Variants in KIAA0825 observed in about 807,000 individuals in gnomAD.
KIAA0825 encodes uncharacterized protein KIAA0825.
In KIAA0825, 119 loss-of-function variants were observed where a neutral mutation model predicts 147.6. The observed-to-expected ratio is 0.81, with a 90% CI of 0.69 to 0.94. The LOEUF (loss-of-function observed/expected upper bound fraction) is 0.94, where lower values mean the gene tolerates loss of function less well. KIAA0825 is among the 40% of genes least tolerant of loss of function. The probability of loss-of-function intolerance (pLI) is 0.00; values close to 1 mark genes in which losing one functional copy is unlikely to be tolerated. For synonymous variants in KIAA0825, 470 were observed against 518.1 expected (o/e 0.91, Z 1.26); for missense variants, 1,381 against 1,472.7 (o/e 0.94, Z 1.02).
intron 2 of KIAA0825, among the ~76,000 whole-genome samples, chr5:94,572,526 T>C (rs964359652): frequency 1.4e-4 from 22 of 152,222 alleles, no homozygotes; most frequent in Admixed American, 4.6e-4. Flanking sequence ...TATTCTGGTT[T>C]ATTTATATAT....
intron 2 of KIAA0825, among the ~76,000 whole-genome samples, chr5:94,543,485 G>C (rs915145902): frequency 6.6e-6 from 1 of 151,948 alleles, no homozygotes; most frequent in Non-Finnish European, 1.5e-5. Flanking sequence ...AAATAAAAAA[G>C]GCTTGAGATT....
chr5:94,333,431 G>A (rs1310554253), intron 20 of KIAA0825, among the ~76,000 whole-genome samples: 4 of 147,878 alleles, frequency 2.7e-5, no homozygotes, highest in South Asian at 2.1e-4. Context: ...GTTCAGTATC[G>A]GTTTTTTTGC....
chr5:94,490,361 T>C (rs1040068871), intron 5 of KIAA0825, among the ~76,000 whole-genome samples: 1 of 152,142 alleles, frequency 6.6e-6, no homozygotes, highest in African/African-American at 2.4e-5. Context: ...AAACAATAAA[T>C]AATTACAGAT....
At chr5:94,420,391 A>C (rs957282975) in intron 14 of KIAA0825, among the ~76,000 whole-genome samples, 1 of 152,148 alleles carries the variant, frequency 6.6e-6, no homozygotes, top group Non-Finnish European at 1.5e-5. Context: ...TGCTGTCTGA[A>C]TTACACTACA....
intron 1 of KIAA0825, chr5:94,593,024 T>C (rs1784626330): frequency 7.7e-6 from 5 of 651,026 alleles, no homozygotes; most frequent in Non-Finnish European, 1.5e-5. Context: ...ATCAGTCTAT[T>C]AAAAAATGTT....
chr5:94,507,649 T>A (rs945197446), intron 5 of KIAA0825, among the ~76,000 whole-genome samples: 1 of 152,026 alleles, frequency 6.6e-6, no homozygotes, highest in African/African-American at 2.4e-5. Context: ...TATTTGTGGT[T>A]TATGGTAATC....
At chr5:94,463,076 T>C (rs1760034511) in intron 11 of KIAA0825, among the ~76,000 whole-genome samples, 1 of 151,880 alleles carries the variant, frequency 6.6e-6, no homozygotes, top group Non-Finnish European at 1.5e-5. Flanking sequence ...GAAGCTCAAA[T>C]CGAGAAGCCT....
rs1236027843 is a variant in KIAA0825 at position 94,443,311 on chromosome 5, AC to A, written c.2358-3191del. Among the ~76,000 whole-genome samples, 10 of 151,436 alleles carry A rather than the reference AC, an allele frequency of 6.6e-5. No individual in the cohort carries two copies. In the South Asian group the frequency reaches 1.3e-3, roughly 19 times the overall value. On this transcript the variant is annotated intron_variant, in intron 13 of 20. Coordinates refer to ENST00000682413, the MANE Select transcript of KIAA0825 (RefSeq NM_001145678.3). ...GAGCTGTGAAAGTGAGATTAGCCTT[AC>A]AAAAAATGACAGAAAGGGAAATTTT...
intron 18 of KIAA0825, among the ~76,000 whole-genome samples, chr5:94,387,698 T>TAAA (rs377558263): frequency 2.8e-5 from 3 of 107,386 alleles, no homozygotes; most frequent in African/African-American, 1.0e-4. Flanking sequence ...ATCTCAAAAA[T>TAAA]AAAAAAAAAA....
chr5:94,249,625 A>C (rs1775837737), intron 20 of KIAA0825, among the ~76,000 whole-genome samples: 1 of 151,912 alleles, frequency 6.6e-6, no homozygotes, highest in Non-Finnish European at 1.5e-5. Context: ...GGCTCTGATA[A>C]CCTGCTGTTC....
At position 94,152,535 on chromosome 5, in the gene KIAA0825, T is replaced by TAAA. The variant is rs1289005218; in HGVS notation, c.*1469_*1471dup. Among the ~76,000 whole-genome samples the TAAA allele has an allele frequency of 1.3e-5, 2 of 149,746 alleles. No homozygotes were observed. Among genetic ancestry groups the TAAA allele is most frequent in the Non-Finnish European group, 3.0e-5 (2 of 67,426 alleles). ...AGACCCCATCTCTACAAAAACATTT[T>TAAA]AAAAATTAACCAGGTGTGGTGGCAC... On this transcript the variant is annotated 3_prime_UTR_variant, in exon 21 of 21. Transcript: ENST00000682413.
At chr5:94,491,594 C>A (rs1763738906) in intron 5 of KIAA0825, among the ~76,000 whole-genome samples, 1 of 152,178 alleles carries the variant, frequency 6.6e-6, no homozygotes, top group African/African-American at 2.4e-5. Context: ...CATGGAGGAC[C>A]TGCAAGCATT....
At chr5:94,440,530 C>T (rs1270117894) in intron 13 of KIAA0825, among the ~76,000 whole-genome samples, 1 of 152,004 alleles carries the variant, frequency 6.6e-6, no homozygotes, top group Non-Finnish European at 1.5e-5. Flanking sequence ...TGATGAGTTT[C>T]ACTAGTTTGT....
chr5:94,325,545 G>A (rs892504586), intron 20 of KIAA0825, among the ~76,000 whole-genome samples: 4 of 151,772 alleles, frequency 2.6e-5, no homozygotes, highest in Admixed American at 2.6e-4. Flanking sequence ...CATACATGTT[G>A]ATGTATGTAT....
intron 20 of KIAA0825, among the ~76,000 whole-genome samples, chr5:94,195,285 A>G (rs1225883215): frequency 1.1e-4 from 17 of 152,268 alleles, no homozygotes; most frequent in Non-Finnish European, 2.9e-5. Flanking sequence ...AATGATTTCT[A>G]TAAGCCAATC....
intron 20 of KIAA0825, among the ~76,000 whole-genome samples, chr5:94,210,393 C>A (rs1772599005): frequency 6.6e-6 from 1 of 152,136 alleles, no homozygotes; most frequent in Non-Finnish European, 1.5e-5. Context: ...TACCTTTAAG[C>A]TGATAAGCAT....
chr5:94,269,269 C>T (rs1776871394), intron 20 of KIAA0825, among the ~76,000 whole-genome samples: 1 of 151,998 alleles, frequency 6.6e-6, no homozygotes, highest in South Asian at 2.1e-4. Context: ...AATCATACAA[C>T]AGATACACAG....
chr5:94,256,700 G>A (rs565865050), intron 20 of KIAA0825, among the ~76,000 whole-genome samples: 1 of 152,210 alleles, frequency 6.6e-6, no homozygotes, highest in African/African-American at 2.4e-5. Flanking sequence ...TTTCAGGGAT[G>A]GCTTCTTCCT....
rs899012777 is a variant in KIAA0825 at position 94,462,412 on chromosome 5, T to A, written c.2221A>T (p.Thr741Ser). The change falls in exon 12 of 21, where the codon ACT becomes TCT. Residue 741 changes from threonine (T) to serine (S), a missense_variant. Transcript: ENST00000682413. ...TTATATAATTCTGTTAATGGTGAAGTCAAAATGACTAATGTTGTAAACAGA... is the reference window on the plus strand; with the variant it reads ...TTATATAATTCTGTTAATGGTGAAGACAAAATGACTAATGTTGTAAACAGA... The part of the protein sequence containing the change: ...NNLFTTLVIL[T>S]SPLTELYKTF... 10 of 1,458,118 alleles carry A rather than the reference T, an allele frequency of 6.9e-6. No homozygotes were observed. In the East Asian group the frequency reaches 2.5e-4, roughly 36 times the overall value. 90.3% of individuals were successfully genotyped at this position (1,458,118 alleles called of 1,614,324 possible).
Sources: allele counts gnomAD v4.1 joint callset (sites outside exome capture counted in the v4.1 genomes callset), GRCh38; gene constraint gnomAD v4.1.1; transcripts MANE v1.5; gene names NCBI Gene and HGNC (gene_info 2026-07-23, HGNC 2026-07-21).